Variants in NKAIN3 observed in about 807,000 individuals in gnomAD.
NKAIN3 encodes sodium/potassium transporting ATPase interacting 3, also known as sodium/potassium-transporting ATPase subunit beta-1-interacting protein 3.
A neutral mutation model predicts 30.2 loss-of-function variants in NKAIN3; 25 were observed. The ratio of observed to expected loss-of-function variants is 0.83; its 90% CI spans 0.60 to 1.16. The LOEUF (loss-of-function observed/expected upper bound fraction) is 1.16, where lower values mean the gene tolerates loss of function less well. Ranked by LOEUF, NKAIN3 falls within the 50% of genes most tolerant of loss-of-function variation. The probability of loss-of-function intolerance (pLI) is 0.00; values close to 1 mark genes in which losing one functional copy is unlikely to be tolerated. For synonymous variants in NKAIN3, 91 were observed against 89.6 expected (o/e 1.02, Z -0.09); for missense variants, 225 against 254.1 (o/e 0.89, Z 0.78).
chr8:62,405,105 T>A (rs183764192), intron 1 of NKAIN3, among the ~76,000 whole-genome samples: 23 of 152,304 alleles, frequency 1.5e-4, no homozygotes, highest in African/African-American at 5.1e-4. Flanking sequence ...TACCGTATCC[T>A]ACTGTGGCTG....
rs1449766715 is a variant in NKAIN3 at position 62,972,787 on chromosome 8, TCTACATTAGGTA to T, written c.*7381_*7392del. On this transcript the variant is annotated 3_prime_UTR_variant, in exon 7 of 7. Coordinates refer to ENST00000623646, the MANE Select transcript of NKAIN3 (RefSeq NM_001304533.3). ...GTTTGCTGCACCCATCAATTCATCATCTACATTAGGTATATCTCCTAATGTTATCCCTCCCCT... is the reference window on the plus strand; with the variant it reads ...GTTTGCTGCACCCATCAATTCATCATTATCTCCTAATGTTATCCCTCCCCT... Among the ~76,000 whole-genome samples, 1 of 152,186 alleles carries T rather than the reference TCTACATTAGGTA, an allele frequency of 6.6e-6. No homozygotes were observed. The highest frequency in any genetic ancestry group is 1.5e-5 in the Non-Finnish European group (1 of 68,028).
chr8:62,312,783 G>A (rs574009347), intron 1 of NKAIN3, among the ~76,000 whole-genome samples: 10 of 149,976 alleles, frequency 6.7e-5, no homozygotes, highest in East Asian at 4.0e-4. Context: ...ATGCCACTGC[G>A]GTACAGCCTG....
intron 3 of NKAIN3, among the ~76,000 whole-genome samples, chr8:62,614,306 G>T (rs908697689): frequency 6.6e-6 from 1 of 152,128 alleles, no homozygotes; most frequent in African/African-American, 2.4e-5. Flanking sequence ...GAATTCTCAG[G>T]ATTTTCAGAT....
intron 4 of NKAIN3, among the ~76,000 whole-genome samples, chr8:62,904,261 ATC>A (rs1821708010): frequency 6.6e-6 from 1 of 152,194 alleles, no homozygotes; most frequent in Non-Finnish European, 1.5e-5. Context: ...GAAAAGTCTT[ATC>A]CTATCATATT....
chr8:62,386,622 C>T (rs1356085148), intron 1 of NKAIN3, among the ~76,000 whole-genome samples: 2 of 151,984 alleles, frequency 1.3e-5, no homozygotes, highest in African/African-American at 4.8e-5. Context: ...GCTTTACAAC[C>T]TAATAAGGTT....
At position 62,636,277 on chromosome 8, in the gene NKAIN3, A is replaced by G. The variant is rs528936085; in HGVS notation, c.273+46483A>G. ...ATATTCTATATCAGTCTCATGATGA[A>G]CTATTAAATGAAGGGACATACTCAT... On this transcript the variant is annotated intron_variant, in intron 3 of 6. Coordinates refer to ENST00000623646, the MANE Select transcript of NKAIN3 (RefSeq NM_001304533.3). Among the ~76,000 whole-genome samples, 12 of 152,354 alleles carry G rather than the reference A, an allele frequency of 7.9e-5. No homozygotes were observed. The South Asian group carries it at 2.3e-3, about 29-fold the overall frequency.
At position 62,248,945 on chromosome 8, in the gene NKAIN3, C is replaced by T; in HGVS notation, c.-129C>T. 1.2e-6 allele frequency: 1 copy of T among 806,898 alleles called. No individual in the cohort carries two copies. 50.0% of individuals were successfully genotyped at this position (806,898 alleles called of 1,614,324 possible). A position where few individuals can be genotyped will look rare whatever the true frequency, so the allele number is the denominator to read the frequency against. Reference sequence around the variant, plus strand: ...GGGCGCGAGCCCCGAGCCCTGGAGCCGCGAGCGGCGGCCGCGGGGCCGAGG... The same window carrying T: ...GGGCGCGAGCCCCGAGCCCTGGAGCTGCGAGCGGCGGCCGCGGGGCCGAGG... On this transcript the variant is annotated 5_prime_UTR_variant, in exon 1 of 7. Transcript: ENST00000623646.
intron 4 of NKAIN3, among the ~76,000 whole-genome samples, chr8:62,803,834 T>G (rs1818166230): frequency 6.6e-6 from 1 of 152,238 alleles, no homozygotes; most frequent in East Asian, 1.9e-4. Flanking sequence ...AGCTGGTTTT[T>G]TGAAAGGATC....
intron 3 of NKAIN3, among the ~76,000 whole-genome samples, chr8:62,744,149 C>T (rs1172323455): frequency 1.3e-5 from 2 of 152,142 alleles, no homozygotes; most frequent in Non-Finnish European, 1.5e-5. Flanking sequence ...AAGAGACTTT[C>T]CTTCTGAAGT....
At chr8:62,911,614 C>A (rs1332875457) in intron 4 of NKAIN3, among the ~76,000 whole-genome samples, 1 of 152,028 alleles carries the variant, frequency 6.6e-6, no homozygotes, top group Non-Finnish European at 1.5e-5. Flanking sequence ...GGAAGAGACT[C>A]TTGATCTGCC....
intron 4 of NKAIN3, among the ~76,000 whole-genome samples, chr8:62,769,669 T>TA (rs1816955096): frequency 1.3e-5 from 2 of 152,186 alleles, no homozygotes; most frequent in African/African-American, 2.4e-5. Context: ...TCCTTCCACT[T>TA]ACAATAAACT....
chr8:62,645,980 T>A (rs1432254325), intron 3 of NKAIN3, among the ~76,000 whole-genome samples: 1 of 152,126 alleles, frequency 6.6e-6, no homozygotes, highest in Admixed American at 6.6e-5. Context: ...AAATGTGTTT[T>A]CTAGTTGATT....
intron 1 of NKAIN3, among the ~76,000 whole-genome samples, chr8:62,504,820 C>T (rs183358196): frequency 3.3e-5 from 5 of 152,162 alleles, no homozygotes; most frequent in Admixed American, 2.6e-4. Context: ...CAGAGTGTTC[C>T]CTCACTACTT....
chr8:62,840,424 C>CA (rs35484656), intron 4 of NKAIN3, among the ~76,000 whole-genome samples: 1,583 of 142,838 alleles, frequency 0.011, 17 homozygotes, highest in South Asian at 0.056. Context: ...TGGAGGGTCA[C>CA]AAAAAAAAAA....
chr8:62,316,511 A>G (rs897008529), intron 1 of NKAIN3, among the ~76,000 whole-genome samples: 1 of 151,464 alleles, frequency 6.6e-6, no homozygotes, highest in East Asian at 2.0e-4. Context: ...TCCCACCTAT[A>G]AGTGAGAACA....
At chr8:62,293,355 T>C (rs1813716861) in intron 1 of NKAIN3, among the ~76,000 whole-genome samples, 1 of 152,228 alleles carries the variant, frequency 6.6e-6, no homozygotes, top group Admixed American at 6.5e-5. Context: ...GGTTTCTCTC[T>C]GTCTTTGCTG....
At chr8:62,523,570 C>A (rs2129796643) in intron 1 of NKAIN3, among the ~76,000 whole-genome samples, 1 of 152,230 alleles carries the variant, frequency 6.6e-6, no homozygotes, top group Admixed American at 6.5e-5. Flanking sequence ...CTGGGTTTCA[C>A]TGTTGTATAC....
chr8:62,695,142 T>C (rs1344589376), intron 3 of NKAIN3, among the ~76,000 whole-genome samples: 1 of 152,212 alleles, frequency 6.6e-6, no homozygotes, highest in Non-Finnish European at 1.5e-5. Context: ...ATGGCACTTT[T>C]TACATGCTCA....
chr8:62,389,049 A>G (rs527337542), intron 1 of NKAIN3, among the ~76,000 whole-genome samples: 2 of 152,280 alleles, frequency 1.3e-5, no homozygotes, highest in African/African-American at 4.8e-5. Flanking sequence ...GGGTAGAGAA[A>G]CTGAAGGGCA....
Sources: gnomAD v4.1 joint callset for allele counts (sites outside exome capture counted in the v4.1 genomes callset) on GRCh38, gnomAD v4.1.1 for gene constraint, MANE v1.5 for transcripts, NCBI Gene and HGNC (gene_info 2026-07-23, HGNC 2026-07-21) for gene names.